CDH18: variants seen among roughly 807,000 people sequenced by gnomAD.
CDH18 encodes the protein cadherin 18, also known as cadherin-18.
CDH18 carries 31 observed loss-of-function variants against 67.9 expected under a neutral mutation model. That is an observed-to-expected ratio of 0.46 (90% CI 0.34 to 0.62). CDH18 has a LOEUF of 0.62. Among genes scored for constraint, CDH18 ranks in the 20% least tolerant of loss-of-function variants. CDH18 has a pLI of 0.01. For missense variants in CDH18, 890 were observed against 975.5 expected (o/e 0.91, Z 1.17); for synonymous variants, 362 against 347.2 (o/e 1.04, Z -0.48).
intron 9 of CDH18, among the ~76,000 whole-genome samples, chr5:19,531,221 T>C (rs1264070231): frequency 6.6e-6 from 1 of 152,232 alleles, no homozygotes; most frequent in Non-Finnish European, 1.5e-5. Context: ...AATGAACATC[T>C]GATTAACTCA....
At position 19,965,566 on chromosome 5, in the gene CDH18, C is replaced by A. The variant is rs1190939270; in HGVS notation, c.-257+15494G>T. Among the ~76,000 whole-genome samples, 3 of 152,194 alleles carry A rather than the reference C, an allele frequency of 2.0e-5. No homozygotes were observed. The East Asian group carries it at 5.8e-4, about 29-fold the overall frequency. On this transcript the variant is annotated intron_variant, in intron 2 of 12. Transcript: ENST00000382275. Reference sequence around the variant, plus strand: ...ATAGCATTATATGTTAGCAAAATATCTATTAAAGTTGAATCAGTGTGCTAG... The same window carrying A: ...ATAGCATTATATGTTAGCAAAATATATATTAAAGTTGAATCAGTGTGCTAG...
Position 20,059,346 on chromosome 5 carries a change from C to G in CDH18, c.-517-67332G>C, listed in dbSNP as rs372227823. Among the ~76,000 whole-genome samples the G allele has an allele frequency of 6.1e-4, 93 of 152,210 alleles. No individual in the cohort carries two copies. In the South Asian group the frequency reaches 0.017, roughly 27 times the overall value. Reference sequence around the variant, plus strand: ...CTGCCTCCTTCAGTTCTGCTCTGATCTGTTATTTCTTGTCTTGTGCTATCC... The same window carrying G: ...CTGCCTCCTTCAGTTCTGCTCTGATGTGTTATTTCTTGTCTTGTGCTATCC... On this transcript the variant is annotated intron_variant, in intron 2 of 14. Coordinates refer to the CDH18 transcript ENST00000507958.
At chr5:20,043,548 C>G (rs530073200) in intron 2 of CDH18, among the ~76,000 whole-genome samples, 2 of 152,174 alleles carry the variant, frequency 1.3e-5, no homozygotes, top group Non-Finnish European at 2.9e-5. Flanking sequence ...ACTATACAAC[C>G]TTTCATGGTC....
Position 20,257,786 on chromosome 5 carries a change from G to A in CDH18, c.-579-2281C>T, listed in dbSNP as rs138333088. 1.8e-3 allele frequency among the ~76,000 whole-genome samples: 279 copies of A among 152,132 alleles called. 1 individual carries two copies. Among genetic ancestry groups the A allele is most frequent in the African/African-American group, 6.4e-3 (265 of 41,532 alleles). On this transcript the variant is annotated intron_variant, in intron 1 of 14. Coordinates refer to the CDH18 transcript ENST00000507958. ...CTAAGAAACATATTTCACTTCACTC[G>A]AAATCACACTATCTTGTCTCCTTTA...
At chr5:19,529,864 A>C (rs1748318727) in intron 9 of CDH18, among the ~76,000 whole-genome samples, 1 of 152,140 alleles carries the variant, frequency 6.6e-6, no homozygotes, top group South Asian at 2.1e-4. Flanking sequence ...TGAGGTGTCC[A>C]TGCTCCCAAA....
intron 4 of CDH18, among the ~76,000 whole-genome samples, chr5:19,733,376 A>G (rs1399647335): frequency 1.3e-5 from 2 of 152,154 alleles, no homozygotes; most frequent in African/African-American, 4.8e-5. Context: ...GGATCAGTAC[A>G]TACTTCTTTA....
intron 10 of CDH18, among the ~76,000 whole-genome samples, chr5:19,515,630 CT>C (rs1745858967): frequency 6.6e-6 from 1 of 152,080 alleles, no homozygotes; most frequent in Non-Finnish European, 1.5e-5. Flanking sequence ...TGGGAGTTCA[CT>C]CATGATTTGG....
chr5:20,415,212 C>G (rs1366722899), intron 1 of CDH18, among the ~76,000 whole-genome samples: 2 of 151,690 alleles, frequency 1.3e-5, no homozygotes, highest in Admixed American at 1.3e-4. Context: ...ATGGTGAAAC[C>G]CTGTCTCTAC....
intron 10 of CDH18, among the ~76,000 whole-genome samples, chr5:19,506,723 C>T (rs1744232761): frequency 6.6e-6 from 1 of 152,198 alleles, no homozygotes; most frequent in Admixed American, 6.5e-5. Flanking sequence ...GAAACTGGAT[C>T]CCTTCCTTAC....
chr5:19,956,799 C>T (rs761304522), intron 2 of CDH18, among the ~76,000 whole-genome samples: 2 of 151,694 alleles, frequency 1.3e-5, no homozygotes, highest in African/African-American at 2.4e-5. Context: ...TTCTCCTGCA[C>T]GATCACTGTA....
intron 11 of CDH18, among the ~76,000 whole-genome samples, chr5:19,491,967 T>G (rs1348962554): frequency 6.6e-6 from 1 of 152,100 alleles, no homozygotes; most frequent in Non-Finnish European, 1.5e-5. Flanking sequence ...CTCATTTATT[T>G]TTAAAGAATT....
At chr5:19,979,822 G>A (rs540127812) in intron 2 of CDH18, among the ~76,000 whole-genome samples, 1 of 152,158 alleles carries the variant, frequency 6.6e-6, no homozygotes, top group South Asian at 2.1e-4. Flanking sequence ...TGTAATAAAA[G>A]CCATCTATGA....
At position 19,839,168 on chromosome 5, in the gene CDH18, C is replaced by T. The variant is rs907392504; in HGVS notation, c.-182G>A. On this transcript the variant is annotated 5_prime_UTR_variant, in exon 3 of 13. Coordinates refer to ENST00000382275, the MANE Select transcript of CDH18 (RefSeq NM_004934.5). Reference sequence around the variant, plus strand: ...GTCAGATCATATTTACATTCTGAACCACTTGGAAAATCAAAGCCGTAGTTG... The same window carrying T: ...GTCAGATCATATTTACATTCTGAACTACTTGGAAAATCAAAGCCGTAGTTG... 106 of 559,232 alleles carry T rather than the reference C, an allele frequency of 1.9e-4. No individual in the cohort carries two copies. The highest frequency in any genetic ancestry group is 3.9e-4 in the Middle Eastern group (1 of 2,566). 34.6% of individuals were successfully genotyped at this position (559,232 alleles called of 1,614,324 possible).
intron 3 of CDH18, among the ~76,000 whole-genome samples, chr5:19,820,289 C>T (rs777751997): frequency 5.3e-5 from 8 of 152,116 alleles, no homozygotes; most frequent in Non-Finnish European, 1.0e-4. Flanking sequence ...CCTAGCAATC[C>T]GGGCACAGAA....
At chr5:20,214,420 TG>T (rs1454422040) in intron 2 of CDH18, among the ~76,000 whole-genome samples, 1 of 151,972 alleles carries the variant, frequency 6.6e-6, no homozygotes, top group African/African-American at 2.4e-5. Context: ...GGAGGAATCA[TG>T]GTACTCAACT....
chr5:19,994,855 T>TATATATATATATATATAGAGAGAG (rs760777430), intron 2 of CDH18, among the ~76,000 whole-genome samples: 3 of 67,586 alleles, frequency 4.4e-5, no homozygotes, highest in African/African-American at 7.4e-5. Context: ...TATATATATA[T>TATATATATATATATATAGAGAGAG]AGAGAGAGAG....
At chr5:19,699,456 A>C (rs993070720) in intron 5 of CDH18, among the ~76,000 whole-genome samples, 1 of 152,116 alleles carries the variant, frequency 6.6e-6, no homozygotes, top group African/African-American at 2.4e-5. Flanking sequence ...TTCCCCAAAA[A>C]TTTTATAAGT....
intron 9 of CDH18, among the ~76,000 whole-genome samples, chr5:19,537,113 G>A (rs1749537114): frequency 6.6e-6 from 1 of 152,144 alleles, no homozygotes; most frequent in African/African-American, 2.4e-5. Flanking sequence ...TGCATCAGGA[G>A]ACTGAGTAAA....
At position 20,571,188 on chromosome 5, in the gene CDH18, T is replaced by TA. The variant is rs1758800569; in HGVS notation, c.-580+4273_-580+4274insT. Among the ~76,000 whole-genome samples the TA allele has an allele frequency of 2.0e-5, 3 of 152,284 alleles. No individual in the cohort carries two copies. The South Asian group carries it at 6.2e-4, about 32-fold the overall frequency. On this transcript the variant is annotated intron_variant, in intron 1 of 14. Coordinates refer to the CDH18 transcript ENST00000507958. Reference sequence around the variant, plus strand: ...TACATGACAGTGACACCTCTACGTCTTTACCATTAAATAGAAAACATGAAT... The same window carrying TA: ...TACATGACAGTGACACCTCTACGTCTATTACCATTAAATAGAAAACATGAAT...
Sources: allele counts gnomAD v4.1 joint callset (sites outside exome capture counted in the v4.1 genomes callset), GRCh38; gene constraint gnomAD v4.1.1; transcripts MANE v1.5; gene names NCBI Gene and HGNC (gene_info 2026-07-23, HGNC 2026-07-21).